The following CACNB4 variants were observed in gnomAD, a reference collection of about 807,000 sequenced individuals.
CACNB4 encodes the protein calcium voltage-gated channel auxiliary subunit beta 4.
Under a neutral mutation model 71.2 loss-of-function variants are expected in CACNB4, and 32 were observed. That is an observed-to-expected ratio of 0.45 (90% confidence interval 0.34 to 0.60). CACNB4 has a LOEUF of 0.60. CACNB4 is among the 20% of genes least tolerant of loss of function. CACNB4 has a pLI of 0.01. For synonymous variants in CACNB4, 231 were observed against 236.9 expected (o/e 0.97, Z 0.23); for missense variants, 464 against 647.9 (o/e 0.72, Z 3.08).
chr2:151,997,272 C>T (rs796717088), intron 2 of CACNB4, among the ~76,000 whole-genome samples: 14 of 152,278 alleles, frequency 9.2e-5, no homozygotes, highest in African/African-American at 2.9e-4. Flanking sequence ...CAGTGGCTCA[C>T]GCCTGTAATC....
intron 2 of CACNB4, among the ~76,000 whole-genome samples, chr2:151,960,027 T>C (rs1333931562): frequency 6.6e-6 from 1 of 152,176 alleles, no homozygotes; most frequent in Non-Finnish European, 1.5e-5. Context: ...TAGTAATAAT[T>C]TAAGAATTTG....
intron 2 of CACNB4, among the ~76,000 whole-genome samples, chr2:151,965,700 T>G (rs1029446633): frequency 1.1e-4 from 17 of 151,422 alleles, no homozygotes; most frequent in African/African-American, 4.1e-4. Flanking sequence ...TAGTAAGAGT[T>G]AGGAGAAATT....
At chr2:151,881,405 G>A (rs151157280) in intron 3 of CACNB4, among the ~76,000 whole-genome samples, 11 of 152,170 alleles carry the variant, frequency 7.2e-5, no homozygotes, top group Admixed American at 1.3e-4. Context: ...TGGTCCTGCC[G>A]GGGAAAAGAA....
At chr2:152,097,976 C>T (rs1047129768) in intron 2 of CACNB4, among the ~76,000 whole-genome samples, 23 of 152,352 alleles carry the variant, frequency 1.5e-4, no homozygotes, top group African/African-American at 5.0e-4. Flanking sequence ...GGTCTGGTTA[C>T]TCTAGGTCGA....
chr2:151,955,993 A>T (rs1369821498), intron 2 of CACNB4, among the ~76,000 whole-genome samples: 1 of 152,152 alleles, frequency 6.6e-6, no homozygotes, highest in South Asian at 2.1e-4. Context: ...GAGAAGAGAG[A>T]TTCTCAAAAG....
rs918750653 is a variant in CACNB4, at chr2:152,000,867, C to T, written c.147+97463G>A. 1.1e-4 allele frequency among the ~76,000 whole-genome samples: 17 copies of T among 152,250 alleles called. 1 individual carries two copies. Among genetic ancestry groups the T allele is most frequent in the Middle Eastern group, 6.8e-3 (2 of 294 alleles). ...TGGGCGGAGGATGTGCAGAAAAGTG[C>T]GCGGGCTCTTGAGCCAGCGCAGATG... On this transcript the variant is annotated intron_variant, in intron 2 of 13. Coordinates refer to ENST00000539935, the MANE Select transcript of CACNB4 (RefSeq NM_000726.5).
At chr2:151,877,443 C>G (rs1374522195) in intron 4 of CACNB4, among the ~76,000 whole-genome samples, 1 of 152,154 alleles carries the variant, frequency 6.6e-6, no homozygotes, top group Non-Finnish European at 1.5e-5. Context: ...TGTCAAGAAG[C>G]TCTAACCAAT....
chr2:151,843,447 T>C (rs909476945), intron 12 of CACNB4, among the ~76,000 whole-genome samples: 11 of 152,206 alleles, frequency 7.2e-5, no homozygotes, highest in African/African-American at 2.7e-4. Context: ...CCTGAGTAGC[T>C]GGGACCACAG....
intron 2 of CACNB4, among the ~76,000 whole-genome samples, chr2:152,013,589 G>A (rs189278340): frequency 1.3e-5 from 2 of 152,200 alleles, no homozygotes; most frequent in Non-Finnish European, 2.9e-5. Flanking sequence ...GAGGGGATAC[G>A]CAGGGGGCCA....
chr2:151,879,605 G>A (rs900086518), intron 4 of CACNB4: 2 of 152,104 alleles, frequency 1.3e-5, no homozygotes, highest in South Asian at 2.1e-4. Context: ...AGGTCACCTC[G>A]GTGTTGTTCC....
intron 2 of CACNB4, among the ~76,000 whole-genome samples, chr2:152,032,945 C>A (rs565493307): frequency 1.7e-4 from 21 of 126,832 alleles, no homozygotes; most frequent in Admixed American, 5.0e-4. Flanking sequence ...TAGAGCAAGA[C>A]CCTGTCTCTT....
In CACNB4 at chr2:151,870,572, G is replaced by A. The variant is rs763313869; in HGVS notation, c.658C>T (p.Arg220Cys). ...IPPYDVVPSM[R>C]PVVLVGPSLK... The stretch of plus-strand genomic sequence containing the variant: ...GACGGCCCCACTAACACCACCGGAC[G>A]CATTGACGGTACAACATCGTAAGGA... Residue 220 changes from arginine (R) to cysteine (C), a missense_variant, in exon 8 of 14, where the codon CGT becomes TGT. Coordinates refer to ENST00000539935, the MANE Select transcript of CACNB4 (RefSeq NM_000726.5). 2 of 1,613,696 alleles carry A rather than the reference G, an allele frequency of 1.2e-6. No homozygotes were observed. The highest frequency in any genetic ancestry group is 1.7e-6 in the Non-Finnish European group (2 of 1,179,786).
intron 2 of CACNB4, among the ~76,000 whole-genome samples, chr2:152,077,160 C>A (rs761949815): frequency 1.3e-5 from 2 of 152,212 alleles, no homozygotes; most frequent in Non-Finnish European, 2.9e-5. Flanking sequence ...GTGGCTCATG[C>A]CTGTAATCCC....
chr2:152,065,149 G>A (rs528092346), intron 2 of CACNB4, among the ~76,000 whole-genome samples: 5 of 152,226 alleles, frequency 3.3e-5, no homozygotes, highest in East Asian at 1.9e-4. Flanking sequence ...TTGGGAGACC[G>A]AGGTGGGCAG....
chr2:151,989,467 A>AG (rs1392782661), intron 2 of CACNB4, among the ~76,000 whole-genome samples: 2 of 152,152 alleles, frequency 1.3e-5, no homozygotes, highest in Non-Finnish European at 2.9e-5. Context: ...CTCTGACACT[A>AG]TTGACCTTTC....
At position 152,098,297 on chromosome 2, in the gene CACNB4, T is replaced by G. The variant is rs757100841; in HGVS notation, c.147+33A>C. ...CCCCCGCGCCGCGCGCTCGGCCTCCTCCCCATCCTGGTCTCCCGCCTCCTT... is the reference window on the plus strand; with the variant it reads ...CCCCCGCGCCGCGCGCTCGGCCTCCGCCCCATCCTGGTCTCCCGCCTCCTT... On this transcript the variant is annotated intron_variant, in intron 2 of 13. Coordinates refer to ENST00000539935, the MANE Select transcript of CACNB4 (RefSeq NM_000726.5). This position sits in a 1 kb window ranked among gnomAD's most constrained non-coding sequence, Gnocchi z 5.3. 2.5e-6 allele frequency: 4 copies of G among 1,569,296 alleles called. No homozygotes were observed. The highest frequency in any genetic ancestry group is 3.5e-6 in the Non-Finnish European group (4 of 1,139,552).
chr2:152,036,092 T>C (rs6722678), intron 2 of CACNB4, among the ~76,000 whole-genome samples: 107,011 of 152,066 alleles, frequency 0.7, 37,903 homozygotes, highest in East Asian at 0.86. Flanking sequence ...TCCACTTATA[T>C]GGGGTATCCA....
chr2:151,838,987 C>T lies in CACNB4; in HGVS notation c.*132G>A. The T allele has an allele frequency of 2.8e-6, 2 of 726,308 alleles. No homozygotes were observed. Among genetic ancestry groups the T allele is most frequent in the Non-Finnish European group, 2.2e-6 (1 of 459,662 alleles). 45.0% of individuals were successfully genotyped at this position (726,308 alleles called of 1,614,324 possible). On this transcript the variant is annotated 3_prime_UTR_variant, in exon 14 of 14. Transcript: ENST00000539935. ...ATGTAATTTTTTTTTTTGCCCCTTA[C>T]TTAGCATAAAATGACAGCAGCCCAT...
rs530561031 is a variant in CACNB4, at chr2:152,013,814, T to C, written c.147+84516A>G. Among the ~76,000 whole-genome samples the C allele has an allele frequency of 1.5e-3, 223 of 152,322 alleles. 2 individuals carry two copies. Among genetic ancestry groups the C allele is most frequent in the African/African-American group, 5.0e-3 (208 of 41,574 alleles). On this transcript the variant is annotated intron_variant, in intron 2 of 13. Coordinates refer to ENST00000539935, the MANE Select transcript of CACNB4 (RefSeq NM_000726.5). ...TTATGGGATGGGATAGTGCCTTCCTTCGGAAGAATGTAATCTTCCCAGCAT... is the reference window on the plus strand; with the variant it reads ...TTATGGGATGGGATAGTGCCTTCCTCCGGAAGAATGTAATCTTCCCAGCAT...
Sources: allele counts gnomAD v4.1 joint callset (sites outside exome capture counted in the v4.1 genomes callset), GRCh38; gene constraint gnomAD v4.1.1; non-coding constraint Gnocchi (gnomAD v3.1); transcripts MANE v1.5; gene names NCBI Gene and HGNC (gene_info 2026-07-23, HGNC 2026-07-21).